Variants in DENND5B observed in about 807,000 individuals in gnomAD.
DENND5B encodes DENN domain-containing protein 5B.
A neutral mutation model predicts 140.6 loss-of-function variants in DENND5B; 34 were observed. The observed-to-expected ratio is 0.24, with a 90% confidence interval of 0.18 to 0.32. The LOEUF (loss-of-function observed/expected upper bound fraction) is 0.32, where lower values mean the gene tolerates loss of function less well. Among genes scored for constraint, DENND5B ranks in the 10% least tolerant of loss-of-function variants. DENND5B has a pLI of 1.00. For synonymous variants in DENND5B, 551 were observed against 562.1 expected, an observed-to-expected ratio of 0.98 and a Z score of 0.28; for missense variants, 1,142 against 1,560.2, an observed-to-expected ratio of 0.73 and a Z score of 4.52.
Position 31,484,983 on chromosome 12 carries a change from A to G in DENND5B, c.238-4728T>C, listed in dbSNP as rs528875977. Reference sequence around the variant, plus strand: ...AGTGGCTGAACCAAGAAGAAGCTCTAAAGTACTTCCCAAAGCCAAACTTGC... The same window carrying G: ...AGTGGCTGAACCAAGAAGAAGCTCTGAAGTACTTCCCAAAGCCAAACTTGC... On this transcript the variant is annotated intron_variant, in intron 2 of 20. Transcript: ENST00000389082. Among the ~76,000 whole-genome samples the G allele has an allele frequency of 9.5e-4, 145 of 152,288 alleles. 1 individual carries two copies. Among genetic ancestry groups the G allele is most frequent in the Non-Finnish European group, 6.0e-4 (41 of 68,012 alleles).
chr12:31,451,983 T>A lies in DENND5B; in HGVS notation c.1586A>T (p.Glu529Val). ...AFVIQTAQDM[E>V]SWLTNREQMQ... Reference sequence around the variant, plus strand: ...CTGTTCCCGGTTGGTCAGCCAGGATTCCATGTCCTGGGCAGTCTGAATGAC... The same window carrying A: ...CTGTTCCCGGTTGGTCAGCCAGGATACCATGTCCTGGGCAGTCTGAATGAC... The change falls in exon 5 of 21, where the codon GAA becomes GTA. Residue 529 changes from glutamate to valine, a missense_variant. By Grantham distance (121) the Glu-to-Val change is moderately radical. Around this residue, in one of 5 missense-constraint regions of DENND5B, gnomAD observed 708 missense variants for 905.5 expected, o/e 0.78. Coordinates refer to ENST00000389082, the MANE Select transcript of DENND5B (RefSeq NM_144973.4). The A allele has an allele frequency of 6.2e-7, 1 of 1,613,518 alleles. No individual in the cohort carries two copies. Among genetic ancestry groups the A allele is most frequent in the Non-Finnish European group, 8.5e-7 (1 of 1,179,816 alleles).
At chr12:31,547,769 G>A (rs1007407491) in intron 1 of DENND5B, among the ~76,000 whole-genome samples, 3 of 151,302 alleles carry the variant, frequency 2.0e-5, no homozygotes, top group Admixed American at 6.6e-5. Context: ...GCAATGGTGC[G>A]ATCTTGGTTC....
intron 14 of DENND5B, among the ~76,000 whole-genome samples, chr12:31,405,326 C>T (rs1055138052): frequency 1.2e-4 from 19 of 152,010 alleles, no homozygotes; most frequent in Non-Finnish European, 1.8e-4. Context: ...AAGTGATCCT[C>T]CCACCTCGGC....
At chr12:31,399,145 AGAGAGAGAAAG>A (rs1565541110) in intron 16 of DENND5B, among the ~76,000 whole-genome samples, 7 of 54,580 alleles carry the variant, frequency 1.3e-4, no homozygotes, top group East Asian at 1.9e-3. Flanking sequence ...AAAAAAAAAA[AGAGAGAGAAAG>A]AAAAAAAAAA....
In DENND5B at chr12:31,439,929, CAAAAAAAAAAAAAAAA is replaced by C. The variant is rs67272470; in HGVS notation, c.2012+2830_2012+2845del. ...TGGGCAACAGAGGGAGACTCCGTCT[CAAAAAAAAAAAAAAAA>C]AAAAAAAAAAAAGGAAACAAAAACT... On this transcript the variant is annotated intron_variant, in intron 7 of 20. Coordinates refer to ENST00000389082, the MANE Select transcript of DENND5B (RefSeq NM_144973.4). 5.7e-4 allele frequency among the ~76,000 whole-genome samples: 30 copies of C among 52,302 alleles called. 1 individual carries two copies. The highest frequency in any genetic ancestry group is 2.5e-3 in the African/African-American group (29 of 11,450). The allele number at this position is 52,302 out of a possible 152,430, so 34.3% of individuals were successfully genotyped here.
chr12:31,512,282 C>T (rs370481768), intron 1 of DENND5B, among the ~76,000 whole-genome samples: 5 of 151,774 alleles, frequency 3.3e-5, no homozygotes, highest in Admixed American at 1.3e-4. Context: ...GGTACAACTA[C>T]GGTTCACTGT....
intron 1 of DENND5B, among the ~76,000 whole-genome samples, chr12:31,550,081 T>C (rs1395478240): frequency 1.3e-5 from 2 of 151,940 alleles, no homozygotes; most frequent in Non-Finnish European, 2.9e-5. Flanking sequence ...ATTATTATTA[T>C]ACTTTAAGTT....
intron 1 of DENND5B, among the ~76,000 whole-genome samples, chr12:31,526,048 T>G (rs966648076): frequency 6.6e-6 from 1 of 152,196 alleles, no homozygotes; most frequent in Non-Finnish European, 1.5e-5. Flanking sequence ...TTAAATGTGA[T>G]CTTCTCCCTA....
intron 12 of DENND5B, among the ~76,000 whole-genome samples, chr12:31,415,013 G>T (rs1942655719): frequency 6.6e-6 from 1 of 152,002 alleles, no homozygotes; most frequent in Non-Finnish European, 1.5e-5. Flanking sequence ...GACTTGGGAG[G>T]CTGAGGCAGA....
chr12:31,500,572 C>T, intron 1 of DENND5B: 1 of 302,296 alleles, frequency 3.3e-6, no homozygotes, highest in Non-Finnish European at 6.3e-6. Context: ...CCCAGTTACT[C>T]AGGAAGGCCA....
At chr12:31,555,094 G>C (rs1488407270) in intron 1 of DENND5B, among the ~76,000 whole-genome samples, 1 of 152,148 alleles carries the variant, frequency 6.6e-6, no homozygotes, top group African/African-American at 2.4e-5. Context: ...TTCCGTTGCT[G>C]GTGAGGAGCT....
In DENND5B at chr12:31,387,565, G is replaced by C. The variant is rs779552165; in HGVS notation, c.*38C>G. ...CCAAATCGGTCCCCTAGTTGGGGAA[G>C]GAGCAAGGTTTGGACTGAGAGTTTC... On this transcript the variant is annotated 3_prime_UTR_variant, in exon 21 of 21. Coordinates refer to ENST00000389082, the MANE Select transcript of DENND5B (RefSeq NM_144973.4). 1.3e-6 allele frequency: 2 copies of C among 1,590,718 alleles called. No individual in the cohort carries two copies. Among genetic ancestry groups the C allele is most frequent in the Admixed American group, 3.4e-5 (2 of 58,398 alleles).
At chr12:31,504,646 G>A (rs1947125360) in intron 1 of DENND5B, among the ~76,000 whole-genome samples, 1 of 152,090 alleles carries the variant, frequency 6.6e-6, no homozygotes. Context: ...GTTACCTCCT[G>A]CACTATCCAC....
At chr12:31,527,715 T>G (rs1185320895) in intron 1 of DENND5B, among the ~76,000 whole-genome samples, 2 of 151,842 alleles carry the variant, frequency 1.3e-5, no homozygotes, top group Admixed American at 6.6e-5. Context: ...GAGGTGGAGG[T>G]TGCAGTGAGC....
At chr12:31,399,573 C>T (rs1941690937) in intron 16 of DENND5B, 81 bp downstream of exon 16, 2 of 1,163,076 alleles carry the variant, frequency 1.7e-6, no homozygotes, top group Non-Finnish European at 2.5e-6. Flanking sequence ...GCCACTGTGC[C>T]TGGCCTACAA....
At chr12:31,571,791 TAG>T (rs1286636722) in intron 1 of DENND5B, among the ~76,000 whole-genome samples, 1 of 152,166 alleles carries the variant, frequency 6.6e-6, no homozygotes, top group African/African-American at 2.4e-5. Flanking sequence ...GTATTTTTAG[TAG>T]AGACAGGGTT....
In DENND5B at chr12:31,387,623, T is replaced by A; in HGVS notation, c.3805A>T (p.Ile1269Phe). ...DFTIVLEGSLIKGVDV is the reference protein window; with the variant it reads ...DFTIVLEGSLFKGVDV ...TTGGGTTACACATCCACTCCTTTGA[T>A]GAGTGATCCTTCTAGGACTATGGTG... Residue 1269 changes from isoleucine to phenylalanine, a missense_variant, in exon 21 of 21, where the codon ATC becomes TTC. Ile to Phe is a conservative substitution (Grantham distance 21). Coordinates refer to ENST00000389082, the MANE Select transcript of DENND5B (RefSeq NM_144973.4). 2 of 1,613,922 alleles carry A rather than the reference T, an allele frequency of 1.2e-6. No individual in the cohort carries two copies. The highest frequency in any genetic ancestry group is 1.7e-6 in the Non-Finnish European group (2 of 1,179,824).
At chr12:31,583,383 AT>A (rs1426939785) in intron 1 of DENND5B, among the ~76,000 whole-genome samples, 1 of 151,688 alleles carries the variant, frequency 6.6e-6, no homozygotes, top group African/African-American at 2.4e-5. Flanking sequence ...ACTATAAAGA[AT>A]TTAGCACAGT....
At chr12:31,576,739 T>A (rs1017972420) in intron 1 of DENND5B, among the ~76,000 whole-genome samples, 5 of 151,938 alleles carry the variant, frequency 3.3e-5, no homozygotes, top group Admixed American at 6.6e-5. Context: ...ATGTTTTTTT[T>A]AATTAGCTGG....
Sources: allele counts gnomAD v4.1 joint callset (sites outside exome capture counted in the v4.1 genomes callset), GRCh38; gene constraint gnomAD v4.1.1; regional missense constraint gnomAD v4.1.1; transcripts MANE v1.5; gene names NCBI Gene and HGNC (gene_info 2026-07-23, HGNC 2026-07-21).